The following MAP4K5 variants were observed in gnomAD, a reference collection of about 807,000 sequenced individuals.
MAP4K5 encodes the protein MAPK/ERK kinase kinase kinase 5.
In MAP4K5, 82 loss-of-function variants were observed where a neutral mutation model predicts 135.6. The observed-to-expected ratio is 0.60, with a 90% CI of 0.51 to 0.73. The LOEUF is 0.73. Among genes scored for constraint, MAP4K5 ranks in the 30% least tolerant of loss-of-function variants. The pLI is 0.00. For missense variants in MAP4K5, 907 were observed against 1,010.9 expected (o/e 0.90, Z 1.39); for synonymous variants, 347 against 335.0 (o/e 1.04, Z -0.39).
Position 50,440,622 on chromosome 14 carries a change from A to G in MAP4K5, c.1565-181T>C, listed in dbSNP as rs146145362. On this transcript the variant is annotated intron_variant, in intron 21 of 32. Coordinates refer to ENST00000682126, the MANE Select transcript of MAP4K5 (RefSeq NM_006575.6). The stretch of plus-strand genomic sequence containing the variant: ...TTCCCCAATTCCTTTCTTATTTTTT[A>G]AAAGCAGATATATTCTATGTTAGAC... 1.8e-4 allele frequency among the ~76,000 whole-genome samples: 28 copies of G among 152,212 alleles called. No homozygotes were observed. In the East Asian group the frequency reaches 4.6e-3, roughly 25 times the overall value.
chr14:50,433,268 G>A (rs1331528374), intron 28 of MAP4K5, among the ~76,000 whole-genome samples: 2 of 152,190 alleles, frequency 1.3e-5, no homozygotes, highest in Non-Finnish European at 2.9e-5. Flanking sequence ...GACTTAAAAG[G>A]CAGAGTGCAG....
At chr14:50,502,844 G>A (rs1181759148) in intron 3 of MAP4K5, among the ~76,000 whole-genome samples, 1 of 151,962 alleles carries the variant, frequency 6.6e-6, no homozygotes, top group Non-Finnish European at 1.5e-5. Flanking sequence ...CTATAGTAAT[G>A]GCTTTGGGAA....
At chr14:50,478,530 T>C (rs1212731899) in intron 6 of MAP4K5, among the ~76,000 whole-genome samples, 2 of 152,168 alleles carry the variant, frequency 1.3e-5, no homozygotes, top group East Asian at 3.8e-4. Context: ...TTTAGTGCTA[T>C]AAATTTCCCT....
At chr14:50,543,345 AT>A (rs1182058905) in intron 1 of MAP4K5, among the ~76,000 whole-genome samples, 5 of 152,204 alleles carry the variant, frequency 3.3e-5, no homozygotes, top group African/African-American at 1.2e-4. Context: ...ATTTCACTAG[AT>A]TCCTTTCATT....
intron 21 of MAP4K5, among the ~76,000 whole-genome samples, chr14:50,442,413 T>C (rs2036249617): frequency 6.6e-6 from 1 of 152,106 alleles, no homozygotes; most frequent in Non-Finnish European, 1.5e-5. Context: ...ATAAACAAGG[T>C]TATCTATAAT....
At position 50,531,811 on chromosome 14, in the gene MAP4K5, A is replaced by AC. The variant is rs960499587; in HGVS notation, c.108+130dup. The AC allele has an allele frequency of 4.1e-6, 3 of 732,694 alleles. No individual in the cohort carries two copies. In the African/African-American group the frequency reaches 5.2e-5, roughly 13 times the overall value. The allele number at this position is 732,694 out of a possible 1,614,324, so 45.4% of individuals were successfully genotyped here. A position where few individuals can be genotyped will look rare whatever the true frequency, so the allele number is the denominator to read the frequency against. On this transcript the variant is annotated intron_variant, in intron 2 of 32. Coordinates refer to ENST00000682126, the MANE Select transcript of MAP4K5 (RefSeq NM_006575.6). ...GGGTGCTCAGAACCGAGTAAAAGGG[A>AC]CCCCGGCCGCTTTCTCCCCAAGAGG...
At chr14:50,433,728 G>A (rs931687940) in intron 28 of MAP4K5, among the ~76,000 whole-genome samples, 1 of 152,182 alleles carries the variant, frequency 6.6e-6, no homozygotes, top group Admixed American at 6.5e-5. Context: ...ACTAAAGCTT[G>A]CTTGGCATAT....
chr14:50,531,883 T>G, intron 2 of MAP4K5, 59 bp downstream of exon 2: 1 of 1,164,308 alleles, frequency 8.6e-7, no homozygotes, highest in Non-Finnish European at 1.3e-6. Context: ...CGCAGGAAAG[T>G]GGCCCCATTC....
rs748826848 is a variant in MAP4K5 at position 50,462,772 on chromosome 14, CAA to C, written c.827_828del (p.Phe276CysfsTer8). 2 of 1,603,356 alleles carry C rather than the reference CAA, an allele frequency of 1.2e-6. No individual in the cohort carries two copies. Among genetic ancestry groups the C allele is most frequent in the Non-Finnish European group, 8.5e-7 (1 of 1,171,588 alleles). On this transcript the variant is annotated frameshift_variant, in exon 13 of 33. Transcript: ENST00000682126. LOFTEE classifies it high-confidence loss of function. Reference sequence around the variant, plus strand: ...GCTCTAGAGAGACCTGGCTGTGCAACAAAAGTGTGCTAAAAGACAACAAAATG... The same window carrying C: ...GCTCTAGAGAGACCTGGCTGTGCAACAAGTGTGCTAAAAGACAACAAAATG... ...PTAERLLTHT[F>X]VAQPGLSRAL...
chr14:50,532,005 G>T lies in MAP4K5; in HGVS notation c.45C>A (p.Asn15Lys). The T allele has an allele frequency of 1.9e-6, 3 of 1,598,534 alleles. No individual in the cohort carries two copies. The highest frequency in any genetic ancestry group is 2.6e-6 in the Non-Finnish European group (3 of 1,172,566). Residue 15 changes from asparagine to lysine, a missense_variant, in exon 2 of 33, where the codon AAC becomes AAA. Physicochemically the swap from Asn to Lys is moderately conservative, Grantham distance 94. Coordinates refer to ENST00000682126, the MANE Select transcript of MAP4K5 (RefSeq NM_006575.6). ...GGACGAGTTCGTAGTCCTGCTGCGGGTTCCGCCTCAGGATGTCCGCGGCAG... is the reference window on the plus strand; with the variant it reads ...GGACGAGTTCGTAGTCCTGCTGCGGTTTCCGCCTCAGGATGTCCGCGGCAG... ...LRPAADILRR[N>K]PQQDYELVQR...
chr14:50,532,460 AC>A lies in MAP4K5; in HGVS notation c.-123del, dbSNP rs1356673869. 2 of 154,714 alleles carry A rather than the reference AC, an allele frequency of 1.3e-5. No individual in the cohort carries two copies. Among genetic ancestry groups the A allele is most frequent in the Non-Finnish European group, 2.9e-5 (2 of 70,138 alleles). 9.6% of individuals were successfully genotyped at this position (154,714 alleles called of 1,614,324 possible). ...GCCCGGGACCTACTTCCTAGACCGC[AC>A]CCGCGTCCTCCTCCCGCGCGCCGGC... On this transcript the variant is annotated 5_prime_UTR_variant, in exon 1 of 33. Transcript: ENST00000682126.
chr14:50,425,372 T>C (rs2035823313), intron 31 of MAP4K5, among the ~76,000 whole-genome samples: 1 of 152,212 alleles, frequency 6.6e-6, no homozygotes, highest in African/African-American at 2.4e-5. Context: ...CTACTTCTAC[T>C]GGATTATTTT....
At chr14:50,532,803 C>G (rs1004052818), upstream of MAP4K5, 1 of 152,682 alleles carries the variant, frequency 6.5e-6, no homozygotes. Context: ...CTCCCACTCT[C>G]AGAAATAAGG....
At chr14:50,477,805 A>T (rs1011631416) in intron 6 of MAP4K5, among the ~76,000 whole-genome samples, 7 of 152,172 alleles carry the variant, frequency 4.6e-5, no homozygotes, top group African/African-American at 1.7e-4. Context: ...TTCTAGAATA[A>T]ACTCCACTTA....
At chr14:50,470,822 T>G (rs1378285075) in intron 9 of MAP4K5, among the ~76,000 whole-genome samples, 1 of 152,186 alleles carries the variant, frequency 6.6e-6, no homozygotes, top group Non-Finnish European at 1.5e-5. Context: ...TGTGTATTAT[T>G]TTCCCTCAAT....
chr14:50,543,691 T>C (rs2038593991), intron 1 of MAP4K5, among the ~76,000 whole-genome samples: 1 of 152,156 alleles, frequency 6.6e-6, no homozygotes, highest in Non-Finnish European at 1.5e-5. Flanking sequence ...CTCAACCCAG[T>C]CACCATTATA....
intron 28 of MAP4K5, among the ~76,000 whole-genome samples, chr14:50,430,845 C>T (rs2035953155): frequency 6.6e-6 from 1 of 152,122 alleles, no homozygotes; most frequent in Non-Finnish European, 1.5e-5. Context: ...ATTTTGATAG[C>T]ATCATTCATG....
chr14:50,504,497 T>C (rs1440985178), intron 3 of MAP4K5, among the ~76,000 whole-genome samples: 1 of 152,128 alleles, frequency 6.6e-6, no homozygotes, highest in Non-Finnish European at 1.5e-5. Context: ...CATTGAATAC[T>C]TTCCTAATCA....
chr14:50,499,239 A>G (rs1248921761), intron 3 of MAP4K5, among the ~76,000 whole-genome samples: 3 of 152,224 alleles, frequency 2.0e-5, no homozygotes, highest in Non-Finnish European at 4.4e-5. Flanking sequence ...GGGAAAAAAG[A>G]GTACAGGAAA....
Sources: gnomAD v4.1 joint callset for allele counts (sites outside exome capture counted in the v4.1 genomes callset) on GRCh38, gnomAD v4.1.1 for gene constraint, MANE v1.5 for transcripts, NCBI Gene and HGNC (gene_info 2026-07-23, HGNC 2026-07-21) for gene names.